The following TAFA2 variants were observed in gnomAD, a reference collection of about 807,000 sequenced individuals.
The protein encoded by TAFA2 is chemokine-like protein TAFA-2.
TAFA2 carries 7 observed loss-of-function variants against 18.8 expected under a neutral mutation model. The ratio of observed to expected loss-of-function variants is 0.37; its 90% confidence interval spans 0.21 to 0.70. The LOEUF is 0.70. Ranked by LOEUF, TAFA2 falls within the 30% of genes least tolerant of loss-of-function variation. TAFA2 has a pLI of 0.53. For missense variants in TAFA2, 122 were observed against 158.1 expected, an observed-to-expected ratio of 0.77 and a Z score of 1.23; for synonymous variants, 60 against 54.2, an observed-to-expected ratio of 1.11 and a Z score of -0.47.
At chr12:62,256,302 A>G (rs937697641) in intron 1 of TAFA2, among the ~76,000 whole-genome samples, 2 of 152,128 alleles carry the variant, frequency 1.3e-5, no homozygotes, top group African/African-American at 4.8e-5. Flanking sequence ...AGGAACCTAG[A>G]TTAATTAATT....
At chr12:62,117,307 T>C (rs960232999) in intron 1 of TAFA2, among the ~76,000 whole-genome samples, 122 of 152,320 alleles carry the variant, frequency 8.0e-4, no homozygotes, top group African/African-American at 2.8e-3. Context: ...ATCTTGCATA[T>C]GCCCTCATTA....
chr12:61,922,950 C>T (rs1424625467), intron 1 of TAFA2, among the ~76,000 whole-genome samples: 1 of 152,140 alleles, frequency 6.6e-6, no homozygotes, highest in Non-Finnish European at 1.5e-5. Context: ...AGTAGGGGAT[C>T]TTCCCCGACA....
intron 1 of TAFA2, among the ~76,000 whole-genome samples, chr12:61,957,918 G>T (rs1318972457): frequency 6.6e-6 from 1 of 151,988 alleles, no homozygotes; most frequent in Non-Finnish European, 1.5e-5. Flanking sequence ...TGGACAAATA[G>T]AAAGAGCTTA....
intron 1 of TAFA2, among the ~76,000 whole-genome samples, chr12:62,129,418 A>G (rs1870593037): frequency 6.6e-6 from 1 of 151,996 alleles, no homozygotes; most frequent in Non-Finnish European, 1.5e-5. Context: ...CATAAGAATC[A>G]ATTGAGCCTC....
At chr12:62,009,172 C>CA (rs1388677354) in intron 1 of TAFA2, among the ~76,000 whole-genome samples, 2 of 152,096 alleles carry the variant, frequency 1.3e-5, no homozygotes, top group Non-Finnish European at 2.9e-5. Context: ...TAGCATTTTG[C>CA]AAAACACACT....
chr12:62,090,196 T>A (rs1276704572), intron 1 of TAFA2, among the ~76,000 whole-genome samples: 1 of 152,052 alleles, frequency 6.6e-6, no homozygotes, highest in Non-Finnish European at 1.5e-5. Context: ...GTCTCCAGCC[T>A]CTAGTCCAGC....
intron 1 of TAFA2, among the ~76,000 whole-genome samples, chr12:61,870,453 C>G (rs1180204386): frequency 6.6e-6 from 1 of 152,148 alleles, no homozygotes; most frequent in Non-Finnish European, 1.5e-5. Context: ...CCAAATATGT[C>G]TTTATGAGCA....
At chr12:61,726,626 C>G (rs560539544) in intron 4 of TAFA2, among the ~76,000 whole-genome samples, 73 of 152,036 alleles carry the variant, frequency 4.8e-4, no homozygotes, top group African/African-American at 1.7e-3. Context: ...GATCTAGGAG[C>G]TTTTTGGATG....
chr12:61,852,107 T>C (rs1476097563), intron 2 of TAFA2, among the ~76,000 whole-genome samples: 1 of 150,972 alleles, frequency 6.6e-6, no homozygotes, highest in East Asian at 2.0e-4. Context: ...CTCAAGAGGC[T>C]GAGGCAGGAG....
intron 2 of TAFA2, among the ~76,000 whole-genome samples, chr12:61,851,514 C>A (rs1007670335): frequency 1.3e-5 from 2 of 151,954 alleles, no homozygotes; most frequent in African/African-American, 2.4e-5. Flanking sequence ...CGGTGGCTCA[C>A]GCCTGCAATC....
chr12:61,990,971 G>A (rs1177495490), intron 1 of TAFA2, among the ~76,000 whole-genome samples: 1 of 152,168 alleles, frequency 6.6e-6, no homozygotes, highest in Non-Finnish European at 1.5e-5. Context: ...TTTAGGTGAG[G>A]AAAATAGTGA....
At chr12:62,089,094 T>C (rs903163642) in intron 1 of TAFA2, among the ~76,000 whole-genome samples, 1 of 152,068 alleles carries the variant, frequency 6.6e-6, no homozygotes, top group South Asian at 2.1e-4. Context: ...AAGGCCAAAA[T>C]AGAACTTCAG....
intron 2 of TAFA2, chr12:61,827,096 CAA>C: frequency 6.6e-6 from 1 of 152,034 alleles, no homozygotes; most frequent in African/African-American, 2.4e-5. Flanking sequence ...CAGTTTTGGT[CAA>C]AGTGATGCCA....
At position 62,088,415 on chromosome 12, in the gene TAFA2, G is replaced by A. The variant is rs201015817; in HGVS notation, c.-2+102844C>T. Among the ~76,000 whole-genome samples the A allele has an allele frequency of 1.1e-4, 17 of 152,066 alleles. No individual in the cohort carries two copies. In the East Asian group the frequency reaches 3.1e-3, roughly 28 times the overall value. ...AGCAATTCCCAGGAGACAGCAGCAC[G>A]TACAGGAGTAGCTCTTAGGCTGTCC... On this transcript the variant is annotated intron_variant, in intron 1 of 4. Coordinates refer to ENST00000416284, the MANE Select transcript of TAFA2 (RefSeq NM_178539.5).
At chr12:61,929,006 TG>T (rs138453528) in intron 1 of TAFA2, among the ~76,000 whole-genome samples, 6,047 of 151,998 alleles carry the variant, frequency 0.04, 239 homozygotes, top group Non-Finnish European at 0.058. Context: ...TGAGGCCTGT[TG>T]GGGGGTGAGG....
At chr12:61,751,536 C>A (rs1309912428) in intron 4 of TAFA2, among the ~76,000 whole-genome samples, 2 of 151,908 alleles carry the variant, frequency 1.3e-5, no homozygotes, top group East Asian at 3.9e-4. Context: ...TAGAGGGTAT[C>A]TTAAAAGAAA....
chr12:61,761,780 A>G (rs1869557037), intron 2 of TAFA2, among the ~76,000 whole-genome samples: 1 of 152,080 alleles, frequency 6.6e-6, no homozygotes, highest in South Asian at 2.1e-4. Flanking sequence ...CATGATCTTG[A>G]CCATTATCTT....
chr12:62,063,603 C>T (rs1441853012), intron 1 of TAFA2, among the ~76,000 whole-genome samples: 3 of 152,014 alleles, frequency 2.0e-5, no homozygotes, highest in African/African-American at 7.2e-5. Context: ...AATGATTAAC[C>T]AAATTATATT....
chr12:61,743,362 T>C (rs568599725), intron 4 of TAFA2, among the ~76,000 whole-genome samples: 2 of 152,208 alleles, frequency 1.3e-5, no homozygotes, highest in East Asian at 3.9e-4. Flanking sequence ...AGAAAGTTAT[T>C]ACTATAGCCT....
Sources: allele counts gnomAD v4.1 joint callset (sites outside exome capture counted in the v4.1 genomes callset), GRCh38; gene constraint gnomAD v4.1.1; transcripts MANE v1.5; gene names NCBI Gene and HGNC (gene_info 2026-07-23, HGNC 2026-07-21).